COL28A1: variants seen among roughly 807,000 people sequenced by gnomAD.
COL28A1 encodes collagen alpha-1(XXVIII) chain.
A neutral mutation model predicts 150.2 loss-of-function variants in COL28A1; 161 were observed. The ratio of observed to expected loss-of-function variants is 1.07; its 90% confidence interval spans 0.94 to 1.22. The LOEUF (loss-of-function observed/expected upper bound fraction) is 1.22, where lower values mean the gene tolerates loss of function less well. Among genes scored for constraint, COL28A1 ranks in the 50% most tolerant of loss-of-function variants. COL28A1 has a pLI of 0.00. For missense variants in COL28A1, 1,617 were observed against 1,388.3 expected (o/e 1.16, Z -2.62); for synonymous variants, 552 against 469.7 (o/e 1.18, Z -2.26).
At chr7:7,474,070 A>AATATATATATATAT (rs58897994) in intron 15 of COL28A1, among the ~76,000 whole-genome samples, 11 of 142,984 alleles carry the variant, frequency 7.7e-5, no homozygotes, top group East Asian at 4.0e-4. Flanking sequence ...ATATATATGG[A>AATATATATATATAT]ATATATATAT....
At chr7:7,509,916 A>G (rs546848018) in intron 9 of COL28A1, among the ~76,000 whole-genome samples, 1 of 152,274 alleles carries the variant, frequency 6.6e-6, no homozygotes, top group East Asian at 1.9e-4. Flanking sequence ...TACCAAGCCT[A>G]CCTTTTGCAG....
chr7:7,542,287 C>G, the COL28A1 span, among the ~76,000 whole-genome samples: 1 of 152,122 alleles, frequency 6.6e-6, no homozygotes, highest in Admixed American at 6.5e-5. Flanking sequence ...GCTGAGATGG[C>G]ACCACTGCAC....
intron 15 of COL28A1, among the ~76,000 whole-genome samples, chr7:7,473,903 A>T (rs568022640): frequency 6.7e-6 from 1 of 150,110 alleles, no homozygotes; most frequent in African/African-American, 2.4e-5. Context: ...TTACATATAT[A>T]GTGTGTGTGT....
chr7:7,509,421 T>G (rs1022536233), intron 9 of COL28A1, among the ~76,000 whole-genome samples: 4 of 152,216 alleles, frequency 2.6e-5, no homozygotes, highest in African/African-American at 9.6e-5. Context: ...TGCTACTGTA[T>G]TCGGATATTT....
chr7:7,353,940 T>C (rs1291820029), downstream of COL28A1, among the ~76,000 whole-genome samples: 1 of 152,066 alleles, frequency 6.6e-6, no homozygotes, highest in African/African-American at 2.4e-5. Context: ...CTCTCCATCC[T>C]ACAACAAAAA....
chr7:7,510,330 G>A (rs1327080627), intron 9 of COL28A1, among the ~76,000 whole-genome samples: 2 of 152,112 alleles, frequency 1.3e-5, no homozygotes, highest in Admixed American at 1.3e-4. Context: ...TGTCACCCAG[G>A]CTGGAGTGCA....
chr7:7,449,383 A>G (rs1050553398), intron 18 of COL28A1, among the ~76,000 whole-genome samples: 1 of 152,104 alleles, frequency 6.6e-6, no homozygotes, highest in African/African-American at 2.4e-5. Context: ...TTTTGGTACA[A>G]CCAAAAAAGA....
chr7:7,344,660 T>C, the COL28A1 span, among the ~76,000 whole-genome samples: 7 of 152,064 alleles, frequency 4.6e-5, no homozygotes, highest in Non-Finnish European at 7.4e-5. Context: ...AGTAAGAGAA[T>C]TTTTTTCTAA....
At chr7:7,354,440 T>A (rs926711888), downstream of COL28A1, among the ~76,000 whole-genome samples, 19 of 152,262 alleles carry the variant, frequency 1.2e-4, no homozygotes, top group Non-Finnish European at 2.2e-4. Context: ...GATAGTTTAT[T>A]AGAGGCTACT....
At chr7:7,539,421 C>T (rs142426557), upstream of COL28A1, among the ~76,000 whole-genome samples, 331 of 152,176 alleles carry the variant, frequency 2.2e-3, 1 homozygote, top group Middle Eastern at 3.4e-3. Flanking sequence ...CACTCATTAC[C>T]GCAAGGATGG....
intron 27 of COL28A1, among the ~76,000 whole-genome samples, chr7:7,393,772 T>C (rs962377067): frequency 6.6e-6 from 1 of 152,028 alleles, no homozygotes; most frequent in African/African-American, 2.4e-5. Flanking sequence ...AGTGGACCTC[T>C]TTCTCCACAC....
At chr7:7,474,775 A>G (rs1788731667) in intron 14 of COL28A1, 106 bp from the exon 15 acceptor site, 1 of 685,534 alleles carries the variant, frequency 1.5e-6, no homozygotes, top group African/African-American at 1.8e-5. Flanking sequence ...TTTTTTAAAT[A>G]AAGCATCCAA....
rs538716512 is a variant in COL28A1 at position 7,498,479 on chromosome 7, G to C, written c.1026+7535C>G. ...GGCTGGGAGGAGGGAAACATGGGGA[G>C]TTATTGGTTAATGGGTACAGAGTTT... is the stretch of plus-strand genomic sequence containing the variant. On this transcript the variant is annotated intron_variant, in intron 11 of 34. Transcript: ENST00000399429. Among the ~76,000 whole-genome samples the C allele has an allele frequency of 4.9e-4, 74 of 152,268 alleles. 1 individual carries two copies. The highest frequency in any genetic ancestry group is 1.7e-3 in the African/African-American group (70 of 41,556).
At chr7:7,514,217 G>A (rs1781301509) in intron 8 of COL28A1, among the ~76,000 whole-genome samples, 1 of 152,190 alleles carries the variant, frequency 6.6e-6, no homozygotes, top group Non-Finnish European at 1.5e-5. Flanking sequence ...ACACACAGTT[G>A]ATAATTTTAC....
chr7:7,436,381 T>G lies in COL28A1; in HGVS notation c.1860+14A>C, dbSNP rs1411200087. 8.4e-7 allele frequency: 1 copy of G among 1,191,270 alleles called. No individual in the cohort carries two copies. Among genetic ancestry groups the G allele is most frequent in the Non-Finnish European group, 1.3e-6 (1 of 794,282 alleles). 73.8% of individuals were successfully genotyped at this position (1,191,270 alleles called of 1,614,324 possible). A position where few individuals can be genotyped will look rare whatever the true frequency, so the allele number is the denominator to read the frequency against. On this transcript the variant is annotated intron_variant, in intron 23 of 34. Coordinates refer to ENST00000399429, the MANE Select transcript of COL28A1 (RefSeq NM_001037763.3). ...CAGATACAGAAAAACAAAAAGAACA[T>G]GAATAAAGCATACCTTTGGTCCTCG...
chr7:7,478,125 C>T (rs1301593569), intron 13 of COL28A1, among the ~76,000 whole-genome samples: 1 of 151,830 alleles, frequency 6.6e-6, no homozygotes, highest in African/African-American at 2.4e-5. Flanking sequence ...TAAAGATTCT[C>T]CAAGTCTCCA....
chr7:7,378,514 C>G (rs1214000206), intron 30 of COL28A1, among the ~76,000 whole-genome samples: 1 of 152,122 alleles, frequency 6.6e-6, no homozygotes, highest in African/African-American at 2.4e-5. Flanking sequence ...TTAGTGCCAT[C>G]AATGGCATTT....
At chr7:7,476,551 T>C (rs891170877) in intron 14 of COL28A1, among the ~76,000 whole-genome samples, 21 of 152,248 alleles carry the variant, frequency 1.4e-4, no homozygotes, top group African/African-American at 4.8e-4. Flanking sequence ...AAATATTTGC[T>C]ATCTGCCCCT....
At chr7:7,400,214 C>G (rs1326755726) in intron 27 of COL28A1, among the ~76,000 whole-genome samples, 1 of 152,148 alleles carries the variant, frequency 6.6e-6, no homozygotes, top group African/African-American at 2.4e-5. Context: ...ACCCTATTAT[C>G]CATGGAAAAA....
Sources: gnomAD v4.1 joint callset for allele counts (sites outside exome capture counted in the v4.1 genomes callset) on GRCh38, gnomAD v4.1.1 for gene constraint, MANE v1.5 for transcripts, NCBI Gene and HGNC (gene_info 2026-07-23, HGNC 2026-07-21) for gene names.